WFDC1: variants seen among roughly 807,000 people sequenced by gnomAD.
WFDC1 encodes WAP four-disulfide core domain protein 1.
WFDC1 carries 39 observed loss-of-function variants against 32.9 expected under a neutral mutation model. That is an observed-to-expected ratio of 1.19 (90% CI 0.92 to 1.55). WFDC1 has a LOEUF of 1.55. WFDC1 is among the 40% of genes most tolerant of loss of function. WFDC1 has a pLI of 0.00. For missense variants in WFDC1, 386 were observed against 309.5 expected (o/e 1.25, Z -1.85); for synonymous variants, 184 against 137.4 (o/e 1.34, Z -2.37).
At chr16:84,301,654 A>G (rs1906942689) in intron 1 of WFDC1, among the ~76,000 whole-genome samples, 1 of 152,046 alleles carries the variant, frequency 6.6e-6, no homozygotes, top group Non-Finnish European at 1.5e-5. Flanking sequence ...GGTGCTGGAG[A>G]GAGGGGATAT....
intron 1 of WFDC1, among the ~76,000 whole-genome samples, chr16:84,311,391 TTC>T (rs373400893): frequency 0.17 from 22,369 of 132,798 alleles, 2,171 homozygotes; most frequent in Middle Eastern, 0.29. Context: ...CTAATTTTTT[TTC>T]TTTTTTTTGT....
intron 1 of WFDC1, among the ~76,000 whole-genome samples, chr16:84,299,060 C>T (rs937487284): frequency 9.2e-5 from 14 of 152,174 alleles, no homozygotes; most frequent in Non-Finnish European, 1.8e-4. Context: ...GATTTAAAAA[C>T]CCATTCCAGG....
rs1350087070 is a variant in WFDC1, at chr16:84,326,965, C to T, written c.*15+10C>T. ...AAGCAACGGCAAGCAGGTGAGTGGG[C>T]AGAGAGCAAGAGTCATGGCCAGGGT... On this transcript the variant is annotated intron_variant, in intron 6 of 6. Coordinates refer to ENST00000219454, the MANE Select transcript of WFDC1 (RefSeq NM_021197.4). The T allele has an allele frequency of 6.8e-6, 11 of 1,613,638 alleles. No individual in the cohort carries two copies. Among genetic ancestry groups the T allele is most frequent in the South Asian group, 2.2e-5 (2 of 91,072 alleles).
intron 1 of WFDC1, among the ~76,000 whole-genome samples, chr16:84,305,872 G>A (rs964696552): frequency 4.6e-5 from 7 of 151,918 alleles, no homozygotes; most frequent in South Asian, 4.2e-4. Flanking sequence ...GCGTGGTGGC[G>A]GGCACCTGTA....
intron 3 of WFDC1, chr16:84,318,675 A>G: frequency 7.3e-6 from 2 of 272,612 alleles, no homozygotes; most frequent in South Asian, 4.8e-5. Flanking sequence ...ACCGCTCTCT[A>G]ATGATGAAGC....
intron 1 of WFDC1, among the ~76,000 whole-genome samples, chr16:84,297,372 C>A (rs1019355967): frequency 6.6e-6 from 1 of 152,174 alleles, no homozygotes; most frequent in African/African-American, 2.4e-5. Flanking sequence ...AATCCCAGCA[C>A]TTTGGGAGGC....
intron 4 of WFDC1, among the ~76,000 whole-genome samples, chr16:84,323,190 C>T (rs943410459): frequency 1.3e-5 from 2 of 152,292 alleles, no homozygotes; most frequent in African/African-American, 4.8e-5. Context: ...GGGCCTGGAG[C>T]GGTTCCATGG....
At chr16:84,308,248 T>C (rs1311197253) in intron 1 of WFDC1, among the ~76,000 whole-genome samples, 1 of 152,062 alleles carries the variant, frequency 6.6e-6, no homozygotes, top group Admixed American at 6.5e-5. Context: ...TGAAAACCTC[T>C]GGCCTTGGTG....
intron 2 of WFDC1, among the ~76,000 whole-genome samples, chr16:84,313,916 C>T (rs1050933345): frequency 3.3e-5 from 5 of 152,148 alleles, no homozygotes; most frequent in African/African-American, 1.2e-4. Context: ...GTGGCAGGAG[C>T]CTCAAATCCC....
intron 1 of WFDC1, among the ~76,000 whole-genome samples, chr16:84,311,249 CT>C (rs58268746): frequency 1.9e-4 from 28 of 145,012 alleles, no homozygotes; most frequent in Non-Finnish European, 2.0e-4. Context: ...AGTACTATAT[CT>C]TTTTTTTTTT....
chr16:84,319,540 TGGGCA>T lies in WFDC1; in HGVS notation c.533_537del (p.Gly178ValfsTer25). 1 of 1,613,054 alleles carries T rather than the reference TGGGCA, an allele frequency of 6.2e-7. No individual in the cohort carries two copies. The highest frequency in any genetic ancestry group is 1.1e-5 in the South Asian group (1 of 91,072). On this transcript the variant is annotated frameshift_variant, in exon 4 of 7. Transcript: ENST00000219454. LOFTEE classifies it high-confidence loss of function. ...ACGTGGCCGAAGGTATCCCCAACCG[TGGGCA>T]GTGCGTCAAGCAGCGCCGGCAAGCA...
At chr16:84,309,671 G>A (rs796730308) in intron 1 of WFDC1, among the ~76,000 whole-genome samples, 1 of 152,046 alleles carries the variant, frequency 6.6e-6, no homozygotes, top group Non-Finnish European at 1.5e-5. Context: ...TCACTGGACT[G>A]AGATCAAGGG....
At chr16:84,297,488 A>G (rs1204963348) in intron 1 of WFDC1, among the ~76,000 whole-genome samples, 1 of 152,080 alleles carries the variant, frequency 6.6e-6, no homozygotes, top group Non-Finnish European at 1.5e-5. Context: ...GTGGCGGCAA[A>G]TGCCTGTAAT....
chr16:84,303,028 T>TC (rs563587029), intron 1 of WFDC1, among the ~76,000 whole-genome samples: 42 of 151,294 alleles, frequency 2.8e-4, no homozygotes, highest in Admixed American at 5.9e-4. Flanking sequence ...TTTCTTTTTT[T>TC]TTTTTTTTTG....
In WFDC1 at chr16:84,318,287, T is replaced by C. The variant is rs200279757; in HGVS notation, c.353T>C (p.Val118Ala). ...ATTGTGTTAGTCTTAGACTGGCTGG[T>C]GCAGCCGAAACCTCGATGGCTTGGT... ...VPPPPVLDWL[V>A]QPKPRWLGGN... Residue 118 changes from valine to alanine, a missense_variant, in exon 3 of 7, where the codon GTG (valine) becomes GCG (alanine). By Grantham distance (64) the Val-to-Ala change is moderately conservative. Transcript: ENST00000219454. 6 of 1,589,064 alleles carry C rather than the reference T, an allele frequency of 3.8e-6. No individual in the cohort carries two copies. The highest frequency in any genetic ancestry group is 1.8e-5 in the Admixed American group (1 of 56,394).
In WFDC1 at chr16:84,295,049, C is replaced by T; in HGVS notation, c.78C>T (p.Leu26=). The change falls in exon 1 of 7, where the codon CTC becomes CTT. Residue 26 remains leucine, a synonymous_variant. Coordinates refer to ENST00000219454, the MANE Select transcript of WFDC1 (RefSeq NM_021197.4). ...CTCTGTGCCTCTTGCTACTTCTCCTCCACGCCGGCTCTGCCAAGAATATCT... is the reference window on the plus strand; with the variant it reads ...CTCTGTGCCTCTTGCTACTTCTCCTTCACGCCGGCTCTGCCAAGAATATCT... The part of the protein sequence containing the change: ...IRALCLLLLL[L]HAGSAKNIWK... The T allele has an allele frequency of 1.2e-6, 2 of 1,614,222 alleles. No homozygotes were observed. The highest frequency in any genetic ancestry group is 1.6e-4 in the Middle Eastern group (1 of 6,062).
Position 84,297,110 on chromosome 16 carries a change from A to C in WFDC1, c.144+1995A>C, listed in dbSNP as rs1906641755. The C allele has an allele frequency of 2.0e-5, 3 of 152,344 alleles. No individual in the cohort carries two copies. In the South Asian group the frequency reaches 6.2e-4, roughly 32 times the overall value. 9.4% of individuals were successfully genotyped at this position (152,344 alleles called of 1,614,324 possible). ...CATAGGAGCCAGCACTGTGACATCCACATAGGAGGGTCAGGGTTGATATGC... is the reference window on the plus strand; with the variant it reads ...CATAGGAGCCAGCACTGTGACATCCCCATAGGAGGGTCAGGGTTGATATGC... On this transcript the variant is annotated intron_variant, in intron 1 of 6. Transcript: ENST00000219454.
intron 4 of WFDC1, among the ~76,000 whole-genome samples, chr16:84,322,839 G>T (rs997536833): frequency 6.6e-6 from 1 of 152,224 alleles, no homozygotes; most frequent in Non-Finnish European, 1.5e-5. Context: ...TCACACAGAA[G>T]CTGAGCTGCG....
intron 4 of WFDC1, among the ~76,000 whole-genome samples, chr16:84,322,145 C>CTGTGTGTGTGCGTGCGTG (rs1908335049): frequency 9.1e-6 from 1 of 109,336 alleles, no homozygotes; most frequent in East Asian, 2.3e-4. Flanking sequence ...GCCTCAGAGC[C>CTGTGTGTGTGCGTGCGTG]TGTGTGTGTG....
Sources: allele counts gnomAD v4.1 joint callset (sites outside exome capture counted in the v4.1 genomes callset), GRCh38; gene constraint gnomAD v4.1.1; transcripts MANE v1.5; gene names NCBI Gene and HGNC (gene_info 2026-07-23, HGNC 2026-07-21).